The following PRR5L variants were observed in gnomAD, a reference collection of about 807,000 sequenced individuals.
PRR5L encodes proline-rich protein 5-like.
Under a neutral mutation model 36.4 loss-of-function variants are expected in PRR5L, and 21 were observed. The observed-to-expected ratio is 0.58, with a 90% CI of 0.41 to 0.83. The LOEUF (loss-of-function observed/expected upper bound fraction) is 0.83. PRR5L is among the 40% of genes least tolerant of loss of function. The probability of loss-of-function intolerance (pLI) is 0.00; values close to 1 mark genes in which losing one functional copy is unlikely to be tolerated. For missense variants in PRR5L, 381 were observed against 473.3 expected (o/e 0.80, Z 1.81); for synonymous variants, 188 against 197.0 (o/e 0.95, Z 0.38).
At chr11:36,414,018 C>T (rs543851596) in intron 3 of PRR5L, among the ~76,000 whole-genome samples, 21 of 149,590 alleles carry the variant, frequency 1.4e-4, no homozygotes, top group African/African-American at 4.8e-4. Context: ...CACTTTTATC[C>T]ATGTCCCTAC....
At chr11:36,359,751 C>T (rs1857065643) in intron 1 of PRR5L, among the ~76,000 whole-genome samples, 1 of 152,154 alleles carries the variant, frequency 6.6e-6, no homozygotes, top group Non-Finnish European at 1.5e-5. Flanking sequence ...GTTTTAAATA[C>T]TTCAGAAGCC....
intron 1 of PRR5L, among the ~76,000 whole-genome samples, chr11:36,339,371 G>A (rs557882431): frequency 8.5e-5 from 13 of 152,306 alleles, no homozygotes; most frequent in African/African-American, 2.6e-4. Context: ...TGGGATTACC[G>A]GAGTGAGCCA....
chr11:36,433,485 C>G (rs1858542662), intron 5 of PRR5L, among the ~76,000 whole-genome samples: 1 of 152,156 alleles, frequency 6.6e-6, no homozygotes, highest in Non-Finnish European at 1.5e-5. Context: ...TAGCTTTATC[C>G]TCTCATGTGT....
intron 1 of PRR5L, among the ~76,000 whole-genome samples, chr11:36,353,633 G>C (rs1019662137): frequency 1.3e-5 from 2 of 152,116 alleles, no homozygotes; most frequent in Admixed American, 6.5e-5. Flanking sequence ...GGATGAAACT[G>C]TTCCACCTCA....
At chr11:36,345,649 T>G (rs917874396) in intron 1 of PRR5L, among the ~76,000 whole-genome samples, 1 of 152,230 alleles carries the variant, frequency 6.6e-6, no homozygotes, top group African/African-American at 2.4e-5. Flanking sequence ...CTCCTGAGCC[T>G]AACTCCTCCT....
At chr11:36,305,943 G>A (rs1202928909) in intron 1 of PRR5L, among the ~76,000 whole-genome samples, 2 of 152,162 alleles carry the variant, frequency 1.3e-5, no homozygotes, top group African/African-American at 4.8e-5. Flanking sequence ...TTGCTGTGAG[G>A]ACTGACTGAA....
intron 6 of PRR5L, among the ~76,000 whole-genome samples, chr11:36,445,250 A>G (rs1168601194): frequency 1.3e-5 from 2 of 152,196 alleles, no homozygotes; most frequent in East Asian, 3.9e-4. Context: ...CTTTGGTTCT[A>G]CCAGGAACAA....
intron 1 of PRR5L, among the ~76,000 whole-genome samples, chr11:36,336,529 C>CTTT (rs36024089): frequency 9.6e-6 from 1 of 104,252 alleles, no homozygotes; most frequent in African/African-American, 3.5e-5. Context: ...CGCGCCTGGC[C>CTTT]TTTTTTTTTT....
chr11:36,305,984 C>G (rs904288560), intron 1 of PRR5L, among the ~76,000 whole-genome samples: 1 of 152,150 alleles, frequency 6.6e-6, no homozygotes, highest in Admixed American at 6.5e-5. Flanking sequence ...GGTGCTGGCA[C>G]TTTGTCTTTT....
At chr11:36,299,023 G>C (rs1440709944) in intron 1 of PRR5L, among the ~76,000 whole-genome samples, 3 of 152,174 alleles carry the variant, frequency 2.0e-5, no homozygotes, top group Admixed American at 2.0e-4. Flanking sequence ...TAAGGTCCTG[G>C]GGGTTAGGGC....
chr11:36,408,398 C>T (rs1857954529), intron 3 of PRR5L, among the ~76,000 whole-genome samples: 1 of 144,780 alleles, frequency 6.9e-6, no homozygotes, highest in South Asian at 2.1e-4. Flanking sequence ...AGAATATTTC[C>T]CATTGAAACT....
At chr11:36,363,381 T>G (rs537169402) in intron 1 of PRR5L, among the ~76,000 whole-genome samples, 54 of 152,360 alleles carry the variant, frequency 3.5e-4, no homozygotes, top group African/African-American at 1.2e-3. Flanking sequence ...GCTCATATCT[T>G]TCTTTCCAGA....
intron 1 of PRR5L, among the ~76,000 whole-genome samples, chr11:36,369,404 A>G (rs923127905): frequency 6.6e-6 from 1 of 152,124 alleles, no homozygotes; most frequent in African/African-American, 2.4e-5. Context: ...CTCATGTGTC[A>G]GGTGCCCAGT....
At chr11:36,376,689 C>T in intron 1 of PRR5L, 1 of 988,338 alleles carries the variant, frequency 1.0e-6, no homozygotes, top group Non-Finnish European at 1.2e-6. Flanking sequence ...TGATTCACGC[C>T]GGGGACCCCA....
At chr11:36,376,332 GGGAGGAGGAGGAAGAGGAGGA>G in intron 1 of PRR5L, 5 of 1,069,444 alleles carry the variant, frequency 4.7e-6, no homozygotes, top group South Asian at 1.8e-5. Context: ...GGGGAGAAGG[GGGAGGAGGAGGAAGAGGAGGA>G]GGAGGAGGAG....
intron 1 of PRR5L, among the ~76,000 whole-genome samples, chr11:36,324,290 A>C (rs1329452295): frequency 6.6e-6 from 1 of 152,158 alleles, no homozygotes; most frequent in Non-Finnish European, 1.5e-5. Flanking sequence ...AGCCAGACCC[A>C]AAAAATATAT....
At chr11:36,296,641 T>G (rs918260877) in intron 1 of PRR5L, among the ~76,000 whole-genome samples, 1 of 152,242 alleles carries the variant, frequency 6.6e-6, no homozygotes, top group Non-Finnish European at 1.5e-5. Flanking sequence ...CCTCTGTCTG[T>G]CTGGCCCTGT....
At chr11:36,376,496 G>C (rs1857264079) in intron 1 of PRR5L, 1 of 1,066,452 alleles carries the variant, frequency 9.4e-7, no homozygotes, top group Non-Finnish European at 1.1e-6. Context: ...CCCCATCTGA[G>C]GGCAGAGCTG....
At chr11:36,363,004 G>A (rs190468606) in intron 1 of PRR5L, among the ~76,000 whole-genome samples, 27 of 152,300 alleles carry the variant, frequency 1.8e-4, no homozygotes, top group African/African-American at 5.8e-4. Flanking sequence ...GCCCAGAGAC[G>A]TTAAGTCGTG....
Sources: allele counts gnomAD v4.1 joint callset (sites outside exome capture counted in the v4.1 genomes callset), GRCh38; gene constraint gnomAD v4.1.1; transcripts MANE v1.5; gene names NCBI Gene and HGNC (gene_info 2026-07-23, HGNC 2026-07-21).